DCC: variants seen among roughly 807,000 people sequenced by gnomAD.
DCC encodes DCC netrin 1 receptor, also known as netrin receptor DCC.
DCC carries 58 observed loss-of-function variants against 172.5 expected under a neutral mutation model. That is an observed-to-expected ratio of 0.34 (90% confidence interval 0.27 to 0.42). The LOEUF (loss-of-function observed/expected upper bound fraction) is 0.42. DCC is among the 10% of genes least tolerant of loss of function. DCC has a pLI of 1.00. For synonymous variants in DCC, 709 were observed against 644.5 expected (o/e 1.10, Z -1.52); for missense variants, 1,740 against 1,791.0 (o/e 0.97, Z 0.51).
intron 17 of DCC, among the ~76,000 whole-genome samples, chr18:53,395,233 A>G (rs926759239): frequency 3.3e-5 from 5 of 151,830 alleles, no homozygotes; most frequent in Admixed American, 6.6e-5. Flanking sequence ...ATGTTGCTCC[A>G]AAGTATTTCT....
At chr18:53,028,346 GTC>G (rs1404330391) in intron 5 of DCC, among the ~76,000 whole-genome samples, 3 of 151,920 alleles carry the variant, frequency 2.0e-5, no homozygotes, top group African/African-American at 7.3e-5. Context: ...TAATAATCAC[GTC>G]TTTCTCTCAG....
At chr18:52,962,612 C>T (rs956078952) in intron 5 of DCC, among the ~76,000 whole-genome samples, 8 of 151,940 alleles carry the variant, frequency 5.3e-5, no homozygotes, top group Non-Finnish European at 1.2e-4. Flanking sequence ...TGGGTATATA[C>T]CCAAAGGACT....
intron 5 of DCC, among the ~76,000 whole-genome samples, chr18:53,048,766 T>A (rs576142739): frequency 3.2e-4 from 48 of 151,770 alleles, no homozygotes; most frequent in Non-Finnish European, 6.5e-4. Context: ...TTGAGGAATC[T>A]TCATAATGGC....
At chr18:53,164,187 G>A (rs2054883579) in intron 8 of DCC, among the ~76,000 whole-genome samples, 1 of 152,028 alleles carries the variant, frequency 6.6e-6, no homozygotes, top group Admixed American at 6.6e-5. Flanking sequence ...TTGACTTAAT[G>A]GCTAAGTTGA....
intron 1 of DCC, among the ~76,000 whole-genome samples, chr18:52,563,754 C>T (rs1279396908): frequency 6.6e-6 from 1 of 152,112 alleles, no homozygotes; most frequent in Non-Finnish European, 1.5e-5. Context: ...TTAAAGTAGT[C>T]TCCTCGGAAC....
chr18:52,439,174 T>TTATGTG (rs74178668), intron 1 of DCC, among the ~76,000 whole-genome samples: 42,091 of 144,764 alleles, frequency 0.29, 6,559 homozygotes, highest in East Asian at 0.4. Context: ...AAGATATGTT[T>TTATGTG]TGTGTGTGTG....
At chr18:52,770,929 G>A (rs546072911) in intron 2 of DCC, among the ~76,000 whole-genome samples, 22 of 152,256 alleles carry the variant, frequency 1.4e-4, no homozygotes, top group Admixed American at 5.9e-4. Flanking sequence ...AGATCATTTC[G>A]TTTTCTATAC....
chr18:53,513,426 T>TAACA (rs1296257374), intron 27 of DCC, among the ~76,000 whole-genome samples: 1 of 152,188 alleles, frequency 6.6e-6, no homozygotes, highest in African/African-American at 2.4e-5. Context: ...AATCACCAGC[T>TAACA]AACATCATAA....
intron 18 of DCC, among the ~76,000 whole-genome samples, chr18:53,402,077 C>A (rs779275489): frequency 1.2e-4 from 18 of 152,088 alleles, no homozygotes; most frequent in Non-Finnish European, 2.4e-4. Context: ...ATTTTGACCC[C>A]AGTTTTATCT....
chr18:53,113,643 A>G (rs1252807645), intron 7 of DCC, among the ~76,000 whole-genome samples: 4 of 151,466 alleles, frequency 2.6e-5, no homozygotes, highest in African/African-American at 9.7e-5. Context: ...TATTGTAATT[A>G]GAAAAGTTTA....
intron 5 of DCC, among the ~76,000 whole-genome samples, chr18:52,969,413 A>G (rs1400657872): frequency 6.6e-6 from 1 of 152,144 alleles, no homozygotes; most frequent in Non-Finnish European, 1.5e-5. Flanking sequence ...GTAACGTCTC[A>G]GTGTCATTCT....
chr18:52,381,896 A>G (rs1273090370), intron 1 of DCC, among the ~76,000 whole-genome samples: 2 of 152,148 alleles, frequency 1.3e-5, no homozygotes, highest in Non-Finnish European at 2.9e-5. Context: ...AATTTATAAC[A>G]AGAATTTGGA....
chr18:53,423,110 G>A (rs762897913), intron 21 of DCC, among the ~76,000 whole-genome samples: 5 of 152,100 alleles, frequency 3.3e-5, no homozygotes, highest in Non-Finnish European at 7.3e-5. Flanking sequence ...GAACAAAAAC[G>A]TACTCAGTAC....
intron 1 of DCC, among the ~76,000 whole-genome samples, chr18:52,490,781 G>A (rs541616324): frequency 1.3e-5 from 2 of 152,182 alleles, no homozygotes; most frequent in African/African-American, 4.8e-5. Flanking sequence ...ATTAGGGACA[G>A]CAAAGACCCC....
intron 21 of DCC, among the ~76,000 whole-genome samples, chr18:53,418,139 T>C (rs7227432): frequency 0.03 from 4,607 of 152,264 alleles, 265 homozygotes; most frequent in African/African-American, 0.1. Context: ...TCAGTCATGG[T>C]TGGCATGTAG....
At chr18:52,913,601 T>C (rs2040000250) in intron 3 of DCC, among the ~76,000 whole-genome samples, 1 of 152,090 alleles carries the variant, frequency 6.6e-6, no homozygotes, top group Non-Finnish European at 1.5e-5. Context: ...TCCTGTAAGT[T>C]CAAAAGCAAA....
At chr18:52,967,705 G>A (rs1431951816) in intron 5 of DCC, among the ~76,000 whole-genome samples, 1 of 152,066 alleles carries the variant, frequency 6.6e-6, no homozygotes, top group African/African-American at 2.4e-5. Flanking sequence ...CTCTCTAGAT[G>A]AGCTTTCACA....
At chr18:53,205,423 A>C in intron 10 of DCC, 59 bp downstream of exon 10, 1 of 1,554,306 alleles carries the variant, frequency 6.4e-7, no homozygotes, top group Non-Finnish European at 8.9e-7. Context: ...TCCATTGGAT[A>C]GCTCTAGGGC....
In DCC at chr18:53,047,798, T is replaced by A. The variant is rs546973436; in HGVS notation, c.986-15507T>A. ...GTGACCTTGGGCAATGTACTTAACC[T>A]CTCTACGCCTTATTTTTCTCTTGTG... is the stretch of plus-strand genomic sequence containing the variant. On this transcript the variant is annotated intron_variant, in intron 5 of 28. Coordinates refer to ENST00000442544, the MANE Select transcript of DCC (RefSeq NM_005215.4). Among the ~76,000 whole-genome samples the A allele has an allele frequency of 2.6e-5, 4 of 151,840 alleles. No homozygotes were observed. In the East Asian group the frequency reaches 7.9e-4, roughly 30 times the overall value.
Sources: gnomAD v4.1 joint callset for allele counts (sites outside exome capture counted in the v4.1 genomes callset) on GRCh38, gnomAD v4.1.1 for gene constraint, MANE v1.5 for transcripts, NCBI Gene and HGNC (gene_info 2026-07-23, HGNC 2026-07-21) for gene names.